LSAMP: variants seen among roughly 807,000 people sequenced by gnomAD.
LSAMP encodes limbic system associated membrane protein.
Under a neutral mutation model 38.6 loss-of-function variants are expected in LSAMP, and 7 were observed. The ratio of observed to expected loss-of-function variants is 0.18; its 90% CI spans 0.10 to 0.34. The LOEUF (loss-of-function observed/expected upper bound fraction) is 0.34. Ranked by LOEUF, LSAMP falls within the 10% of genes least tolerant of loss-of-function variation. LSAMP has a pLI of 1.00. For missense variants in LSAMP, 313 were observed against 420.0 expected (o/e 0.75, Z 2.23); for synonymous variants, 154 against 166.8 (o/e 0.92, Z 0.59).
rs1315393165 is a variant in LSAMP at position 115,936,709 on chromosome 3, A to AT, written c.514+82805dup. ...AAGGAAGAAGTCATGTCCAAAGTTC[A>AT]TTTTTTCAACTCATTCATTAAACAT... On this transcript the variant is annotated intron_variant, in intron 3 of 6. Transcript: ENST00000490035. Among the ~76,000 whole-genome samples, 8 of 152,222 alleles carry AT rather than the reference A, an allele frequency of 5.3e-5. No individual in the cohort carries two copies. In the East Asian group the frequency reaches 1.2e-3, roughly 22 times the overall value.
intron 1 of LSAMP, among the ~76,000 whole-genome samples, chr3:116,107,309 A>C (rs1201153326): frequency 1.3e-5 from 2 of 152,170 alleles, no homozygotes; most frequent in Admixed American, 6.5e-5. Flanking sequence ...TGAGGAAGAA[A>C]ATAGATTTTG....
chr3:116,219,542 T>C (rs1008401698), intron 1 of LSAMP, among the ~76,000 whole-genome samples: 1 of 152,184 alleles, frequency 6.6e-6, no homozygotes, highest in Admixed American at 6.5e-5. Flanking sequence ...CTGGTTTTCA[T>C]AGTGGCTACA....
intron 3 of LSAMP, among the ~76,000 whole-genome samples, chr3:115,924,092 C>CTAAT (rs1434052260): frequency 6.6e-6 from 1 of 152,034 alleles, no homozygotes; most frequent in Non-Finnish European, 1.5e-5. Flanking sequence ...TCCTAGGAAC[C>CTAAT]TGATCCTAAT....
chr3:116,071,470 T>C (rs1022837731), intron 2 of LSAMP, among the ~76,000 whole-genome samples: 4 of 151,970 alleles, frequency 2.6e-5, no homozygotes, highest in Admixed American at 6.6e-5. Context: ...CTGTAAAAAA[T>C]ATTTTGTTAT....
At chr3:116,306,086 C>A (rs1375094198) in intron 1 of LSAMP, among the ~76,000 whole-genome samples, 1 of 151,990 alleles carries the variant, frequency 6.6e-6, no homozygotes, top group Non-Finnish European at 1.5e-5. Flanking sequence ...GAAAGGCTAT[C>A]ACGTACCAGG....
intron 1 of LSAMP, among the ~76,000 whole-genome samples, chr3:116,133,895 C>G (rs1347818401): frequency 1.3e-5 from 2 of 152,046 alleles, no homozygotes. Flanking sequence ...AACTTTTTTT[C>G]TGTTATGAAT....
Position 116,378,318 on chromosome 3 carries a change from C to T in LSAMP, c.155+66559G>A, listed in dbSNP as rs559388110. Reference sequence around the variant, plus strand: ...GTCTGGTTTACCAGACTCTTGCTGGCACACTAATTTTAGGTGATTTTGCAA... The same window carrying T: ...GTCTGGTTTACCAGACTCTTGCTGGTACACTAATTTTAGGTGATTTTGCAA... On this transcript the variant is annotated intron_variant, in intron 1 of 6. Coordinates refer to ENST00000490035, the MANE Select transcript of LSAMP (RefSeq NM_002338.5). Among the ~76,000 whole-genome samples the T allele has an allele frequency of 1.1e-4, 17 of 152,016 alleles. No individual in the cohort carries two copies. The South Asian group carries it at 3.5e-3, about 32-fold the overall frequency.
chr3:115,848,874 A>T (rs1469698293), intron 4 of LSAMP, among the ~76,000 whole-genome samples: 2 of 152,226 alleles, frequency 1.3e-5, no homozygotes, highest in Non-Finnish European at 1.5e-5. Flanking sequence ...TTCTCCAGGA[A>T]TAGGAAAAGA....
At chr3:116,201,152 T>C (rs745907698) in intron 1 of LSAMP, among the ~76,000 whole-genome samples, 2 of 152,124 alleles carry the variant, frequency 1.3e-5, no homozygotes, top group Non-Finnish European at 2.9e-5. Context: ...CTTCTCCCCA[T>C]CCCACCTTCA....
At chr3:116,282,702 C>T (rs570944719) in intron 1 of LSAMP, among the ~76,000 whole-genome samples, 2 of 152,266 alleles carry the variant, frequency 1.3e-5, no homozygotes, top group South Asian at 4.2e-4. Context: ...TGTTGTGATA[C>T]ATCTTTTTAT....
chr3:116,174,323 A>G (rs1235556538), intron 1 of LSAMP, among the ~76,000 whole-genome samples: 1 of 151,954 alleles, frequency 6.6e-6, no homozygotes, highest in African/African-American at 2.4e-5. Context: ...CACTTCACCC[A>G]TCTTTGGGAA....
chr3:116,188,038 A>T (rs1710664726), intron 1 of LSAMP, among the ~76,000 whole-genome samples: 1 of 152,102 alleles, frequency 6.6e-6, no homozygotes. Flanking sequence ...TAGTGAGAAC[A>T]TGCAGTATTT....
At chr3:116,328,239 C>T (rs1280482444) in intron 1 of LSAMP, among the ~76,000 whole-genome samples, 1 of 152,154 alleles carries the variant, frequency 6.6e-6, no homozygotes, top group Non-Finnish European at 1.5e-5. Flanking sequence ...CACCTTGCAT[C>T]CCTTTCCATT....
chr3:116,069,820 G>T (rs1239389391), intron 2 of LSAMP, among the ~76,000 whole-genome samples: 1 of 152,116 alleles, frequency 6.6e-6, no homozygotes, highest in Admixed American at 6.5e-5. Context: ...AGACAGAAAT[G>T]CTTATAAGGT....
intron 1 of LSAMP, among the ~76,000 whole-genome samples, chr3:116,429,042 A>G (rs1298324519): frequency 6.6e-6 from 1 of 152,228 alleles, no homozygotes; most frequent in East Asian, 1.9e-4. Flanking sequence ...TTTCTGAGCT[A>G]TTTCAAAACT....
rs183241294 is a variant in LSAMP, at chr3:116,401,586, G to A, written c.155+43291C>T. ...TGTGAGCCACTGCTCCTGGCTGTCC[G>A]TTGCTGACTTGATCATCCCTGCTAA... On this transcript the variant is annotated intron_variant, in intron 1 of 6. Coordinates refer to ENST00000490035, the MANE Select transcript of LSAMP (RefSeq NM_002338.5). Among the ~76,000 whole-genome samples, 71 of 152,236 alleles carry A rather than the reference G, an allele frequency of 4.7e-4. 1 individual carries two copies. The highest frequency in any genetic ancestry group is 4.6e-3 in the East Asian group (24 of 5,176).
At position 115,808,175 on chromosome 3, in the gene LSAMP, GCCTTCCTT is replaced by G. The variant is rs78789452; in HGVS notation, c.*2134_*2141del. On this transcript the variant is annotated 3_prime_UTR_variant, in exon 7 of 7. Coordinates refer to ENST00000490035, the MANE Select transcript of LSAMP (RefSeq NM_002338.5). Reference sequence around the variant, plus strand: ...CCCCCTTCCCCGTCCCCCCCTCCCTGCCTTCCTTCCTTCCTTCCTTCCTTCTTTCCTTT... The same window carrying G: ...CCCCCTTCCCCGTCCCCCCCTCCCTGCCTTCCTTCCTTCCTTCTTTCCTTT... 1.1e-4 allele frequency: 9 copies of G among 80,146 alleles called. No individual in the cohort carries two copies. Among genetic ancestry groups the G allele is most frequent in the African/African-American group, 2.5e-4 (5 of 20,096 alleles). The allele number at this position is 80,146 out of a possible 1,614,324, so 5.0% of individuals were successfully genotyped here. A position where few individuals can be genotyped will look rare whatever the true frequency, so the allele number is the denominator to read the frequency against.
chr3:115,959,042 C>T (rs1938544198), intron 3 of LSAMP, among the ~76,000 whole-genome samples: 1 of 152,000 alleles, frequency 6.6e-6, no homozygotes, highest in African/African-American at 2.4e-5. Context: ...CAAACCATAC[C>T]CTATAGTTAG....
At chr3:116,298,371 T>A (rs1375147778) in intron 1 of LSAMP, among the ~76,000 whole-genome samples, 1 of 152,102 alleles carries the variant, frequency 6.6e-6, no homozygotes, top group Non-Finnish European at 1.5e-5. Flanking sequence ...AGCAGCTTTA[T>A]ATTTGCTGGC....
Sources: gnomAD v4.1 joint callset for allele counts (sites outside exome capture counted in the v4.1 genomes callset) on GRCh38, gnomAD v4.1.1 for gene constraint, MANE v1.5 for transcripts, NCBI Gene and HGNC (gene_info 2026-07-23, HGNC 2026-07-21) for gene names.